The following EBF3 variants were observed in gnomAD, a reference collection of about 807,000 sequenced individuals.
EBF3 encodes EBF transcription factor 3, also known as transcription factor COE3.
A neutral mutation model predicts 77.1 loss-of-function variants in EBF3; 18 were observed. The ratio of observed to expected loss-of-function variants is 0.23; its 90% CI spans 0.16 to 0.35. The LOEUF is 0.35. Among genes scored for constraint, EBF3 ranks in the 10% least tolerant of loss-of-function variants. The pLI is 1.00. For missense variants in EBF3, 558 were observed against 860.0 expected, an observed-to-expected ratio of 0.65 and a Z score of 4.39; for synonymous variants, 350 against 343.5, an observed-to-expected ratio of 1.02 and a Z score of -0.21.
At position 129,879,633 on chromosome 10, in the gene EBF3, C is replaced by A. The variant is rs1431344213; in HGVS notation, c.555-1784G>T. 6.6e-6 allele frequency among the ~76,000 whole-genome samples: 1 copy of A among 152,200 alleles called. No individual in the cohort carries two copies. Among genetic ancestry groups the A allele is most frequent in the Non-Finnish European group, 1.5e-5 (1 of 68,036 alleles). ...ATTTACATCTTTTATTAACTCACCTCACCTATACACTTAGCTCACAATGCC... is the reference window on the plus strand; with the variant it reads ...ATTTACATCTTTTATTAACTCACCTAACCTATACACTTAGCTCACAATGCC... On this transcript the variant is annotated intron_variant, in intron 6 of 16. Coordinates refer to ENST00000440978, the MANE Select transcript of EBF3 (RefSeq NM_001375380.1). The surrounding 1 kb of genome is among the most constrained non-coding windows in gnomAD (Gnocchi z 4.7).
chr10:129,963,795 C>T lies in EBF3; in HGVS notation c.-27G>A, dbSNP rs1859728896. The T allele has an allele frequency of 1.3e-6, 2 of 1,492,428 alleles. No individual in the cohort carries two copies. 92.4% of individuals were successfully genotyped at this position (1,492,428 alleles called of 1,614,324 possible). On this transcript the variant is annotated 5_prime_UTR_variant, in exon 1 of 17. Coordinates refer to ENST00000440978, the MANE Select transcript of EBF3 (RefSeq NM_001375380.1). The surrounding 1 kb of genome is among the most constrained non-coding windows in gnomAD (Gnocchi z 7.1). ...AAAACTGCTGGCGGCGGCCGCAGCTCCCGGCCGAAAGCGTTTCCTCGAGCA... is the reference window on the plus strand; with the variant it reads ...AAAACTGCTGGCGGCGGCCGCAGCTTCCGGCCGAAAGCGTTTCCTCGAGCA...
chr10:129,883,139 C>T (rs1853324346), intron 6 of EBF3, among the ~76,000 whole-genome samples: 1 of 152,218 alleles, frequency 6.6e-6, no homozygotes, highest in South Asian at 2.1e-4. Context: ...CATCAAGTTT[C>T]AGACTGTTCC....
intron 6 of EBF3, among the ~76,000 whole-genome samples, chr10:129,884,590 C>T (rs140944626): frequency 3.0e-3 from 452 of 152,240 alleles, no homozygotes; most frequent in African/African-American, 0.01. Context: ...GCCTGCATGA[C>T]GTCATAGCGA....
intron 8 of EBF3, among the ~76,000 whole-genome samples, chr10:129,873,029 G>C (rs536930532): frequency 6.6e-6 from 1 of 151,922 alleles, no homozygotes; most frequent in South Asian, 2.1e-4. Context: ...ACATGCACAC[G>C]CACTCCAGCC....
chr10:129,854,290 G>A (rs1851094248), intron 10 of EBF3, among the ~76,000 whole-genome samples: 1 of 152,070 alleles, frequency 6.6e-6, no homozygotes, highest in Non-Finnish European at 1.5e-5. Context: ...TCAATGGGGC[G>A]AGATCAATGC....
intron 6 of EBF3, among the ~76,000 whole-genome samples, chr10:129,925,742 G>GA (rs77252215): frequency 6.6e-6 from 1 of 150,506 alleles, no homozygotes; most frequent in Non-Finnish European, 1.5e-5. Context: ...AAGAAAATTG[G>GA]AAAAAAAAAT....
At chr10:129,865,066 C>T (rs368780176) in intron 10 of EBF3, among the ~76,000 whole-genome samples, 12 of 152,302 alleles carry the variant, frequency 7.9e-5, no homozygotes, top group Middle Eastern at 3.4e-3. Context: ...ACGGGGCCTA[C>T]AGCCTCTACA....
rs1215383125 is a variant in EBF3 at position 129,962,168 on chromosome 10, C to T, written c.411+3G>A. 14 of 1,614,120 alleles carry T rather than the reference C, an allele frequency of 8.7e-6. No individual in the cohort carries two copies. The highest frequency in any genetic ancestry group is 1.2e-5 in the Non-Finnish European group (14 of 1,180,008). ...ACTCGTGCAGAGGCATAAACTTTCT[C>T]ACCTGTTTGGTCATTGAATCTATGA... is the stretch of plus-strand genomic sequence containing the variant. On this transcript the variant is annotated splice_donor_region_variant and intron_variant, in intron 4 of 16. Transcript: ENST00000440978.
chr10:129,946,912 C>A (rs1279888573), intron 6 of EBF3, among the ~76,000 whole-genome samples: 2 of 152,238 alleles, frequency 1.3e-5, no homozygotes, highest in Non-Finnish European at 2.9e-5. Flanking sequence ...CTGGCCTCCC[C>A]CTCTGCAAGC....
intron 6 of EBF3, among the ~76,000 whole-genome samples, chr10:129,941,457 A>G (rs552012781): frequency 1.3e-5 from 2 of 152,338 alleles, no homozygotes; most frequent in East Asian, 3.9e-4. Flanking sequence ...TGCTTCTAGG[A>G]AACCCACCAC....
At chr10:129,859,462 T>A (rs1300984152) in intron 10 of EBF3, among the ~76,000 whole-genome samples, 1 of 152,136 alleles carries the variant, frequency 6.6e-6, no homozygotes, top group Admixed American at 6.5e-5. Context: ...TGACCTCAGG[T>A]GATCCACCCG....
chr10:129,843,735 GAAC>G (rs1850256723), intron 11 of EBF3, among the ~76,000 whole-genome samples: 1 of 152,132 alleles, frequency 6.6e-6, no homozygotes, highest in Non-Finnish European at 1.5e-5. Flanking sequence ...TCTTTATTTT[GAAC>G]AATAAAGTGA....
chr10:129,943,323 T>C lies in EBF3; in HGVS notation c.554+13935A>G, dbSNP rs930841037. ...TTAATCAACAGTTAAAGAAGCAAAT[T>C]GGATTTGCCCTATCACAAAAAAAAT... On this transcript the variant is annotated intron_variant, in intron 6 of 16. Coordinates refer to ENST00000440978, the MANE Select transcript of EBF3 (RefSeq NM_001375380.1). The surrounding 1 kb of genome is among the most constrained non-coding windows in gnomAD (Gnocchi z 8.8). Among the ~76,000 whole-genome samples, 9 of 152,174 alleles carry C rather than the reference T, an allele frequency of 5.9e-5. No individual in the cohort carries two copies. The highest frequency in any genetic ancestry group is 2.2e-4 in the African/African-American group (9 of 41,456).
At chr10:129,846,291 G>C (rs879687279) in intron 11 of EBF3, among the ~76,000 whole-genome samples, 1 of 152,008 alleles carries the variant, frequency 6.6e-6, no homozygotes, top group Non-Finnish European at 1.5e-5. Flanking sequence ...AACAATGTGT[G>C]TGCAATGTAT....
Position 129,947,403 on chromosome 10 carries a change from T to G in EBF3, c.554+9855A>C, listed in dbSNP as rs1210120025. Among the ~76,000 whole-genome samples, 1 of 152,234 alleles carries G rather than the reference T, an allele frequency of 6.6e-6. No individual in the cohort carries two copies. Among genetic ancestry groups the G allele is most frequent in the African/African-American group, 2.4e-5 (1 of 41,454 alleles). On this transcript the variant is annotated intron_variant, in intron 6 of 16. Transcript: ENST00000440978. This position sits in a 1 kb window ranked among gnomAD's most constrained non-coding sequence, Gnocchi z 4.5. ...GCTAAAGCTGGCCTAACATTTTGTTTGGCAATTAGGAAAATTTGTACTTTA... is the reference window on the plus strand; with the variant it reads ...GCTAAAGCTGGCCTAACATTTTGTTGGGCAATTAGGAAAATTTGTACTTTA...
At chr10:129,892,500 G>A (rs946498275) in intron 6 of EBF3, among the ~76,000 whole-genome samples, 9 of 152,210 alleles carry the variant, frequency 5.9e-5, no homozygotes, top group Non-Finnish European at 8.8e-5. Flanking sequence ...GGTCCAGACC[G>A]GGAATGAGGC....
At chr10:129,877,705 G>T in intron 7 of EBF3, 63 bp downstream of exon 7, 11 of 1,430,890 alleles carry the variant, frequency 7.7e-6, no homozygotes, top group South Asian at 1.2e-5. Context: ...TTGCAAATCA[G>T]AGAATTCAAA....
chr10:129,837,958 T>C lies in EBF3; in HGVS notation c.1875A>G (p.Leu625=), dbSNP rs1472885479. The C allele has an allele frequency of 4.3e-6, 7 of 1,613,824 alleles. No individual in the cohort carries two copies. Among genetic ancestry groups the C allele is most frequent in the Middle Eastern group, 1.6e-4 (1 of 6,080 alleles). Residue 625 remains leucine, a splice_region_variant and synonymous_variant, in exon 17 of 17, where the codon CTA becomes CTG. Transcript: ENST00000440978. ...ELMLKKGTGK[L]CLGW ...ATTGGCGGGACTACCAGCCCAGACA[T>C]AGCTGCAAGACAGAAGGACAGAGCA...
In EBF3 at chr10:129,861,909, G is replaced by A. The variant is rs1207776317; in HGVS notation, c.1039+5232C>T. On this transcript the variant is annotated intron_variant, in intron 10 of 16. Transcript: ENST00000440978. This position sits in a 1 kb window ranked among gnomAD's most constrained non-coding sequence, Gnocchi z 4.3. ...GCACCGGCCTGGGAGACAGCAAGCT[G>A]GGGCTGGCGTGGTCGAAGGGCACAG... Among the ~76,000 whole-genome samples the A allele has an allele frequency of 2.0e-5, 3 of 152,232 alleles. No homozygotes were observed. The highest frequency in any genetic ancestry group is 4.4e-5 in the Non-Finnish European group (3 of 68,044).
Sources: allele counts gnomAD v4.1 joint callset (sites outside exome capture counted in the v4.1 genomes callset), GRCh38; gene constraint gnomAD v4.1.1; non-coding constraint Gnocchi (gnomAD v3.1); transcripts MANE v1.5; gene names NCBI Gene and HGNC (gene_info 2026-07-23, HGNC 2026-07-21).